CBL: variants seen among roughly 807,000 people sequenced by gnomAD.
CBL encodes the protein Cbl proto-oncogene.
A neutral mutation model predicts 96.9 loss-of-function variants in CBL; 45 were observed. The ratio of observed to expected loss-of-function variants is 0.46; its 90% CI spans 0.37 to 0.60. CBL has a LOEUF of 0.60. Ranked by LOEUF, CBL falls within the 20% of genes least tolerant of loss-of-function variation. The pLI is 0.00. For missense variants in CBL, 1,024 were observed against 1,143.5 expected, an observed-to-expected ratio of 0.90 and a Z score of 1.51; for synonymous variants, 420 against 426.8, an observed-to-expected ratio of 0.98 and a Z score of 0.20.
intron 1 of CBL, among the ~76,000 whole-genome samples, chr11:119,221,270 C>T (rs534236328): frequency 6.6e-5 from 10 of 151,038 alleles, no homozygotes; most frequent in Non-Finnish European, 1.2e-4. Flanking sequence ...TATAGGTTTC[C>T]GGCTGGGCAC....
chr11:119,255,577 G>A (rs1949705340), intron 2 of CBL, among the ~76,000 whole-genome samples: 1 of 151,906 alleles, frequency 6.6e-6, no homozygotes, highest in African/African-American at 2.4e-5. Flanking sequence ...CTGGATTCTA[G>A]TAATCATTTA....
At chr11:119,295,699 C>T (rs184944515) in intron 12 of CBL, among the ~76,000 whole-genome samples, 196 of 152,198 alleles carry the variant, frequency 1.3e-3, no homozygotes, top group African/African-American at 4.5e-3. Context: ...TGTGCTCCAG[C>T]GAAAAATCTA....
At chr11:119,277,241 G>GCGCACA (rs1035208999) in intron 6 of CBL, among the ~76,000 whole-genome samples, 11 of 146,384 alleles carry the variant, frequency 7.5e-5, no homozygotes, top group African/African-American at 2.8e-4. Flanking sequence ...AATCTGTCGC[G>GCGCACA]CACACACACA....
rs534704322 is a variant in CBL, at chr11:119,305,368, C to T, written c.*5587C>T. ...CAGCCTCAGGTCTTTTGCCTTCTTC[C>T]GTGTTTATTTAGAGAGCAGAATCTA... On this transcript the variant is annotated 3_prime_UTR_variant, in exon 16 of 16. Transcript: ENST00000264033. 9.1e-5 allele frequency: 21 copies of T among 231,202 alleles called. No individual in the cohort carries two copies. The highest frequency in any genetic ancestry group is 1.8e-4 in the Non-Finnish European group (21 of 116,872). 14.3% of individuals were successfully genotyped at this position (231,202 alleles called of 1,614,324 possible).
chr11:119,255,161 G>C (rs1949701762), intron 2 of CBL, among the ~76,000 whole-genome samples: 1 of 152,136 alleles, frequency 6.6e-6, no homozygotes, highest in Admixed American at 6.6e-5. Context: ...GCGTGAGTTT[G>C]GGTACTGACT....
rs574349507 is a variant in CBL at position 119,222,426 on chromosome 11, A to G, written c.196-10022A>G. Among the ~76,000 whole-genome samples, 5 of 152,344 alleles carry G rather than the reference A, an allele frequency of 3.3e-5. No individual in the cohort carries two copies. The South Asian group carries it at 8.3e-4, about 25-fold the overall frequency. Reference sequence around the variant, plus strand: ...CAGAAGCAAAGGGAGGAGCTAGGCCAGTGAGAAAGCTATTATGAATGGAGT... The same window carrying G: ...CAGAAGCAAAGGGAGGAGCTAGGCCGGTGAGAAAGCTATTATGAATGGAGT... On this transcript the variant is annotated intron_variant, in intron 1 of 15. Coordinates refer to ENST00000264033, the MANE Select transcript of CBL (RefSeq NM_005188.4).
intron 1 of CBL, among the ~76,000 whole-genome samples, chr11:119,219,758 A>G (rs1352206438): frequency 6.7e-6 from 1 of 150,158 alleles, no homozygotes; most frequent in African/African-American, 2.5e-5. Context: ...ATTTCAGCTC[A>G]CTGCAACCTC....
chr11:119,262,695 AG>A (rs1472059861), intron 2 of CBL, among the ~76,000 whole-genome samples: 1 of 152,176 alleles, frequency 6.6e-6, no homozygotes, highest in African/African-American at 2.4e-5. Context: ...GCCCTTAAGG[AG>A]TTGTCTTCCA....
intron 12 of CBL, chr11:119,289,779 G>C (rs966431711): frequency 2.0e-5 from 3 of 152,124 alleles, no homozygotes; most frequent in Non-Finnish European, 2.9e-5. Flanking sequence ...GTCTTGATCT[G>C]TTGCCCAGGT....
chr11:119,295,867 A>G (rs1950059536), intron 12 of CBL, among the ~76,000 whole-genome samples: 1 of 152,194 alleles, frequency 6.6e-6, no homozygotes, highest in Non-Finnish European at 1.5e-5. Context: ...TTATCAGACT[A>G]TATGTCTGTC....
chr11:119,231,152 C>T (rs1402930639), intron 1 of CBL, among the ~76,000 whole-genome samples: 4 of 152,150 alleles, frequency 2.6e-5, no homozygotes, highest in Non-Finnish European at 5.9e-5. Flanking sequence ...CCTGTAATCC[C>T]AGCACTTTGG....
chr11:119,208,459 G>C (rs935274021), intron 1 of CBL, among the ~76,000 whole-genome samples: 1 of 151,208 alleles, frequency 6.6e-6, no homozygotes. Context: ...GTGCGATCTC[G>C]ACTCACTGCA....
At chr11:119,288,882 G>C (rs931951609) in intron 12 of CBL, among the ~76,000 whole-genome samples, 1 of 152,070 alleles carries the variant, frequency 6.6e-6, no homozygotes, top group Non-Finnish European at 1.5e-5. Flanking sequence ...ATTTTAGGGG[G>C]AACACAAACA....
intron 2 of CBL, among the ~76,000 whole-genome samples, chr11:119,264,799 G>A (rs928241585): frequency 4.6e-5 from 7 of 151,898 alleles, no homozygotes; most frequent in Admixed American, 6.6e-5. Context: ...GAAATTTTTC[G>A]GTCCTACAGA....
Position 119,206,402 on chromosome 11 carries a change from C to A in CBL, c.-16C>A. The A allele has an allele frequency of 2.6e-6, 4 of 1,526,662 alleles. No individual in the cohort carries two copies. Among genetic ancestry groups the A allele is most frequent in the Non-Finnish European group, 3.5e-6 (4 of 1,140,872 alleles). The allele number at this position is 1,526,662 out of a possible 1,614,324, so 94.6% of individuals were successfully genotyped here. The stretch of plus-strand genomic sequence containing the variant: ...CGAGCCGGCGGACCCGCCTGGGCTC[C>A]GACCCTGCCCAGGCCATGGCCGGCA... On this transcript the variant is annotated 5_prime_UTR_variant, in exon 1 of 16. Coordinates refer to ENST00000264033, the MANE Select transcript of CBL (RefSeq NM_005188.4).
intron 9 of CBL, among the ~76,000 whole-genome samples, chr11:119,279,849 T>G (rs1949920211): frequency 6.6e-6 from 1 of 152,234 alleles, no homozygotes; most frequent in Non-Finnish European, 1.5e-5. Context: ...TTTTTCAAAG[T>G]GTTTGTTGTG....
At chr11:119,256,537 C>G (rs913989193) in intron 2 of CBL, among the ~76,000 whole-genome samples, 1 of 151,938 alleles carries the variant, frequency 6.6e-6, no homozygotes, top group Non-Finnish European at 1.5e-5. Context: ...TAAGTTGATG[C>G]TCTTTTTTTT....
rs780823646 is a variant in CBL at position 119,271,831 on chromosome 11, G to A, written c.540G>A (p.Arg180=). 6.2e-7 allele frequency: 1 copy of A among 1,614,038 alleles called. No homozygotes were observed. Among genetic ancestry groups the A allele is most frequent in the Admixed American group, 1.7e-5 (1 of 60,010 alleles). The part of the protein sequence containing the change: ...PSGLFQGDTF[R]ITKADAAEFW... ...GACTCTTTCAGGGAGACACATTTCG[G>A]ATTACTAAAGCAGATGCTGCGGAAT... Residue 180 remains arginine (R), a synonymous_variant, in exon 3 of 16, where the codon CGG becomes CGA. Transcript: ENST00000264033.
chr11:119,249,483 A>G (rs1013704419), intron 2 of CBL, among the ~76,000 whole-genome samples: 1 of 151,578 alleles, frequency 6.6e-6, no homozygotes, highest in South Asian at 2.1e-4. Flanking sequence ...TGAACCCAGG[A>G]AGCAGGGTTC....
Sources: gnomAD v4.1 joint callset for allele counts (sites outside exome capture counted in the v4.1 genomes callset) on GRCh38, gnomAD v4.1.1 for gene constraint, MANE v1.5 for transcripts, NCBI Gene and HGNC (gene_info 2026-07-23, HGNC 2026-07-21) for gene names.